Variants in SDCCAG8 observed in about 807,000 individuals in gnomAD.
SDCCAG8 encodes SHH signaling and ciliogenesis regulator SDCCAG8.
Under a neutral mutation model 101.8 loss-of-function variants are expected in SDCCAG8, and 74 were observed. The observed-to-expected ratio is 0.73, with a 90% CI of 0.60 to 0.88. The LOEUF (loss-of-function observed/expected upper bound fraction) is 0.88, where lower values mean the gene tolerates loss of function less well. SDCCAG8 is among the 40% of genes least tolerant of loss of function. The pLI, the probability that SDCCAG8 is intolerant of heterozygous loss-of-function variation, is 0.00. For synonymous variants in SDCCAG8, 281 were observed against 292.9 expected (o/e 0.96, Z 0.41); for missense variants, 787 against 822.6 (o/e 0.96, Z 0.53).
intron 16 of SDCCAG8, among the ~76,000 whole-genome samples, chr1:243,478,883 G>A (rs1390129294): frequency 6.0e-5 from 9 of 150,434 alleles, no homozygotes; most frequent in Middle Eastern, 3.4e-3. Context: ...ATTTGAACCC[G>A]GGAGGCGGAG....
At chr1:243,328,263 T>G (rs897421351) in intron 9 of SDCCAG8, among the ~76,000 whole-genome samples, 1 of 151,416 alleles carries the variant, frequency 6.6e-6, no homozygotes, top group African/African-American at 2.4e-5. Context: ...AGTAACCAGT[T>G]TTTTGTTTGT....
chr1:243,364,059 A>G (rs2076864480), intron 12 of SDCCAG8, among the ~76,000 whole-genome samples: 1 of 152,202 alleles, frequency 6.6e-6, no homozygotes, highest in Admixed American at 6.5e-5. Flanking sequence ...TGAGTTTTCT[A>G]AGAACTCCCC....
chr1:243,304,885 T>C, intron 7 of SDCCAG8, 108 bp downstream of exon 7: 1 of 759,164 alleles, frequency 1.3e-6, no homozygotes, highest in Non-Finnish European at 2.3e-6. Context: ...ACTTACTTGA[T>C]GACATTTTAA....
At position 243,399,501 on chromosome 1, in the gene SDCCAG8, A is replaced by AT. The variant is rs1438885666; in HGVS notation, c.1617-16199dup. 7.2e-5 allele frequency among the ~76,000 whole-genome samples: 11 copies of AT among 151,970 alleles called. No homozygotes were observed. In the East Asian group the frequency reaches 1.2e-3, roughly 16 times the overall value. Reference sequence around the variant, plus strand: ...TCACTTCTTAGAACTTTTTTTAATTATTATTTATTTATTTATTTATTTATT... The same window carrying AT: ...TCACTTCTTAGAACTTTTTTTAATTATTTATTTATTTATTTATTTATTTATT... On this transcript the variant is annotated intron_variant, in intron 13 of 17. Transcript: ENST00000366541.
chr1:243,405,316 A>G (rs2079692505), intron 13 of SDCCAG8, among the ~76,000 whole-genome samples: 2 of 152,252 alleles, frequency 1.3e-5, no homozygotes, highest in Non-Finnish European at 1.5e-5. Flanking sequence ...TAGGTGTTAA[A>G]AAGCAAAAAG....
Position 243,449,636 on chromosome 1 carries a change from C to T in SDCCAG8, c.1985+23078C>T, listed in dbSNP as rs571701404. On this transcript the variant is annotated intron_variant, in intron 16 of 17. Transcript: ENST00000366541. ...TTAAAATCATTATTTTTGTGACCGA[C>T]GTCTGGAAGTGCCCCAGTTTTTCCA... is the stretch of plus-strand genomic sequence containing the variant. Among the ~76,000 whole-genome samples, 14 of 152,296 alleles carry T rather than the reference C, an allele frequency of 9.2e-5. No homozygotes were observed. The East Asian group carries it at 2.5e-3, about 27-fold the overall frequency.
chr1:243,338,395 GT>G (rs898353080), intron 10 of SDCCAG8, among the ~76,000 whole-genome samples: 21 of 149,556 alleles, frequency 1.4e-4, no homozygotes, highest in Admixed American at 8.7e-4. Flanking sequence ...TTCTTTCTAT[GT>G]TTTTTTTATT....
At chr1:243,440,189 T>A (rs1334980442) in intron 16 of SDCCAG8, among the ~76,000 whole-genome samples, 2 of 152,242 alleles carry the variant, frequency 1.3e-5, no homozygotes, top group East Asian at 3.9e-4. Flanking sequence ...CCTCATAGGG[T>A]TATGAGGCTT....
At chr1:243,327,237 C>T (rs977566193) in intron 9 of SDCCAG8, among the ~76,000 whole-genome samples, 1 of 149,210 alleles carries the variant, frequency 6.7e-6, no homozygotes, top group African/African-American at 2.5e-5. Context: ...TGGTAATTGC[C>T]TGTTTATAGC....
In SDCCAG8 at chr1:243,437,772, T is replaced by G. The variant is rs574390761; in HGVS notation, c.1985+11214T>G. ...CCAGGATGGTCTCGATCTCCTGACCTCGTGATCCGCCCGCCTCGGCCTCCC... is the reference window on the plus strand; with the variant it reads ...CCAGGATGGTCTCGATCTCCTGACCGCGTGATCCGCCCGCCTCGGCCTCCC... On this transcript the variant is annotated intron_variant, in intron 16 of 17. Transcript: ENST00000366541. Among the ~76,000 whole-genome samples the G allele has an allele frequency of 2.0e-5, 3 of 152,314 alleles. No individual in the cohort carries two copies. In the South Asian group the frequency reaches 6.2e-4, roughly 32 times the overall value.
intron 12 of SDCCAG8, among the ~76,000 whole-genome samples, chr1:243,345,912 CAAT>C (rs2075675571): frequency 6.6e-6 from 1 of 152,140 alleles, no homozygotes; most frequent in Non-Finnish European, 1.5e-5. Context: ...AATAGTGAAA[CAAT>C]AGTAGTTTTC....
rs144138289 is a variant in SDCCAG8, at chr1:243,404,953, G to A, written c.1617-10749G>A. Among the ~76,000 whole-genome samples, 971 of 148,552 alleles carry A rather than the reference G, an allele frequency of 6.5e-3. 2 individuals carry two copies. Among genetic ancestry groups the A allele is most frequent in the Non-Finnish European group, 0.011 (726 of 67,526 alleles). On this transcript the variant is annotated intron_variant, in intron 13 of 17. Coordinates refer to ENST00000366541, the MANE Select transcript of SDCCAG8 (RefSeq NM_006642.5). ...ATGATCTCGGCTCACCACAACCTCC[G>A]CCTCCCGGGCTCAAGCAATTCTCCT...
chr1:243,347,121 C>A (rs1558330531), intron 12 of SDCCAG8, among the ~76,000 whole-genome samples: 1 of 151,826 alleles, frequency 6.6e-6, no homozygotes, highest in Admixed American at 6.6e-5. Context: ...CTCATCGTCA[C>A]CTTCATCTTC....
chr1:243,460,799 T>G (rs1014334053), intron 16 of SDCCAG8, among the ~76,000 whole-genome samples: 3 of 152,184 alleles, frequency 2.0e-5, no homozygotes, highest in African/African-American at 4.8e-5. Context: ...GTTGCACCCC[T>G]GACGGCAGCG....
intron 16 of SDCCAG8, among the ~76,000 whole-genome samples, chr1:243,431,126 G>T (rs1327083462): frequency 6.6e-6 from 1 of 152,170 alleles, no homozygotes; most frequent in African/African-American, 2.4e-5. Flanking sequence ...GAACCCGGGA[G>T]GCGGAGGTTG....
intron 16 of SDCCAG8, among the ~76,000 whole-genome samples, chr1:243,462,148 G>A (rs961855628): frequency 6.6e-6 from 1 of 152,208 alleles, no homozygotes; most frequent in African/African-American, 2.4e-5. Flanking sequence ...CTGCAGGAAA[G>A]GTTTGGAGGC....
At chr1:243,332,243 T>A (rs541241888) in intron 10 of SDCCAG8, among the ~76,000 whole-genome samples, 1 of 152,322 alleles carries the variant, frequency 6.6e-6, no homozygotes, top group African/African-American at 2.4e-5. Flanking sequence ...GAATCATGAA[T>A]GGCTTTAAAA....
At chr1:243,278,285 G>A (rs1415050477) in intron 4 of SDCCAG8, among the ~76,000 whole-genome samples, 1 of 151,988 alleles carries the variant, frequency 6.6e-6, no homozygotes, top group Non-Finnish European at 1.5e-5. Flanking sequence ...CAATGTTGCA[G>A]TCTTAGCTCA....
intron 13 of SDCCAG8, among the ~76,000 whole-genome samples, chr1:243,409,797 A>C (rs1212353236): frequency 6.6e-6 from 1 of 152,220 alleles, no homozygotes; most frequent in Admixed American, 6.5e-5. Flanking sequence ...GAATTAATAA[A>C]TGAGAGAGAA....
Sources: allele counts gnomAD v4.1 joint callset (sites outside exome capture counted in the v4.1 genomes callset), GRCh38; gene constraint gnomAD v4.1.1; transcripts MANE v1.5; gene names NCBI Gene and HGNC (gene_info 2026-07-23, HGNC 2026-07-21).